Variants in SCHIP1 observed in about 807,000 individuals in gnomAD.
The protein encoded by SCHIP1 is schwannomin-interacting protein 1.
SCHIP1 carries 8 observed loss-of-function variants against 29.7 expected under a neutral mutation model. The ratio of observed to expected loss-of-function variants is 0.27; its 90% CI spans 0.16 to 0.49. The LOEUF (loss-of-function observed/expected upper bound fraction) is 0.49, where lower values mean the gene tolerates loss of function less well. Ranked by LOEUF, SCHIP1 falls within the 20% of genes least tolerant of loss-of-function variation. The pLI is 0.99. For missense variants in SCHIP1, 193 were observed against 294.6 expected (o/e 0.66, Z 2.52); for synonymous variants, 76 against 94.9 (o/e 0.80, Z 1.16).
At chr3:159,809,576 G>C in the SCHIP1 span, among the ~76,000 whole-genome samples, 1 of 148,662 alleles carries the variant, frequency 6.7e-6, no homozygotes, top group Admixed American at 6.8e-5. Flanking sequence ...CACAATGGTT[G>C]AACTAATTTA....
the SCHIP1 span, chr3:159,274,417 G>A: frequency 5.4e-6 from 5 of 926,588 alleles, no homozygotes; most frequent in East Asian, 2.3e-4. Flanking sequence ...GGTATGAAAT[G>A]TATAGAGTGG....
chr3:159,527,784 A>C, the SCHIP1 span, among the ~76,000 whole-genome samples: 5 of 152,134 alleles, frequency 3.3e-5, no homozygotes, highest in African/African-American at 4.8e-5. Flanking sequence ...AGGGTAAGTG[A>C]TGTCCAATGT....
At chr3:159,283,179 G>T in the SCHIP1 span, among the ~76,000 whole-genome samples, 2 of 152,158 alleles carry the variant, frequency 1.3e-5, no homozygotes, top group Non-Finnish European at 2.9e-5. Flanking sequence ...TTGAGACGGA[G>T]TCTCACTCTG....
At chr3:159,377,716 CT>C in the SCHIP1 span, among the ~76,000 whole-genome samples, 3 of 152,186 alleles carry the variant, frequency 2.0e-5, no homozygotes, top group Non-Finnish European at 1.5e-5. Context: ...ATATTTTTAT[CT>C]CTTCATCATC....
the SCHIP1 span, among the ~76,000 whole-genome samples, chr3:159,396,269 T>G: frequency 6.6e-6 from 1 of 151,442 alleles, no homozygotes; most frequent in Non-Finnish European, 1.5e-5. Context: ...CTCGACTCTT[T>G]ATCCAATTTG....
At chr3:159,456,726 G>A in the SCHIP1 span, among the ~76,000 whole-genome samples, 2 of 152,164 alleles carry the variant, frequency 1.3e-5, no homozygotes, top group Admixed American at 6.5e-5. Context: ...AATTGGTTAA[G>A]ATCTTGATGG....
At chr3:159,414,987 G>T in the SCHIP1 span, among the ~76,000 whole-genome samples, 25 of 152,236 alleles carry the variant, frequency 1.6e-4, no homozygotes, top group African/African-American at 6.0e-4. Context: ...GTACTGTTCT[G>T]CAGCCCAGGG....
the SCHIP1 span, among the ~76,000 whole-genome samples, chr3:159,442,592 G>C: frequency 3.9e-5 from 6 of 152,140 alleles, no homozygotes; most frequent in Non-Finnish European, 7.4e-5. Flanking sequence ...ATGGGTGCAG[G>C]GTGGATTTTT....
the SCHIP1 span, among the ~76,000 whole-genome samples, chr3:159,541,604 G>A: frequency 6.6e-6 from 1 of 152,122 alleles, no homozygotes; most frequent in South Asian, 2.1e-4. Context: ...GCAGGCAGTG[G>A]GGAGGAAGAG....
chr3:159,421,611 C>G, the SCHIP1 span, among the ~76,000 whole-genome samples: 1 of 152,162 alleles, frequency 6.6e-6, no homozygotes, highest in Non-Finnish European at 1.5e-5. Context: ...TTTCACTTGA[C>G]AAATAGCCTG....
chr3:159,759,871 G>T, the SCHIP1 span, among the ~76,000 whole-genome samples: 1 of 152,128 alleles, frequency 6.6e-6, no homozygotes, highest in Non-Finnish European at 1.5e-5. Flanking sequence ...ATATTTTCCT[G>T]TCTATTCATA....
the SCHIP1 span, among the ~76,000 whole-genome samples, chr3:159,345,583 TCA>T: frequency 6.6e-6 from 1 of 151,558 alleles, no homozygotes; most frequent in Admixed American, 6.6e-5. Flanking sequence ...TCTCTCTCAC[TCA>T]CTCATTCACT....
chr3:159,567,793 C>G, the SCHIP1 span, among the ~76,000 whole-genome samples: 41,598 of 151,960 alleles, frequency 0.27, 9,252 homozygotes, highest in African/African-American at 0.61. Flanking sequence ...GGTTATTTCT[C>G]AATCCTTTGC....
chr3:159,851,938 AT>A (rs1712698746), intron 1 of SCHIP1, among the ~76,000 whole-genome samples: 1 of 152,252 alleles, frequency 6.6e-6, no homozygotes, highest in African/African-American at 2.4e-5. Context: ...CATGCAATTA[AT>A]TCTTTTTGGA....
chr3:159,892,965 C>T (rs3773785), intron 6 of SCHIP1: 36,109 of 152,088 alleles, frequency 0.24, 4,423 homozygotes, highest in Non-Finnish European at 0.26. Flanking sequence ...ATCCCAGAAA[C>T]AGTATTTAGA....
At chr3:159,527,928 ATAAAGT>A in the SCHIP1 span, among the ~76,000 whole-genome samples, 3 of 152,250 alleles carry the variant, frequency 2.0e-5, no homozygotes, top group African/African-American at 7.2e-5. Flanking sequence ...AATTTATAAT[ATAAAGT>A]TAGTGTGGCC....
At chr3:159,387,338 G>T in the SCHIP1 span, 2 of 374,474 alleles carry the variant, frequency 5.3e-6, no homozygotes, top group East Asian at 7.9e-5. Flanking sequence ...GCATTTTTAT[G>T]GGCAGGGAGA....
chr3:159,327,270 G>T, the SCHIP1 span, among the ~76,000 whole-genome samples: 1 of 152,226 alleles, frequency 6.6e-6, no homozygotes, highest in Admixed American at 6.5e-5. Context: ...CCTCTTCCTC[G>T]TTGGTCAAAT....
the SCHIP1 span, among the ~76,000 whole-genome samples, chr3:159,603,518 G>A: frequency 6.6e-6 from 1 of 152,176 alleles, no homozygotes; most frequent in Admixed American, 6.5e-5. Flanking sequence ...CCAGCCATCA[G>A]TGAACTCATT....
Sources: allele counts gnomAD v4.1 joint callset (sites outside exome capture counted in the v4.1 genomes callset), GRCh38; gene constraint gnomAD v4.1.1; transcripts MANE v1.5; gene names NCBI Gene and HGNC (gene_info 2026-07-23, HGNC 2026-07-21).